RPH3A: variants seen among roughly 807,000 people sequenced by gnomAD.
RPH3A encodes the protein rabphilin-3A.
In RPH3A, 48 loss-of-function variants were observed where a neutral mutation model predicts 102.2. The observed-to-expected ratio is 0.47, with a 90% confidence interval of 0.37 to 0.60. The LOEUF is 0.60. Ranked by LOEUF, RPH3A falls within the 20% of genes least tolerant of loss-of-function variation. The pLI, the probability that RPH3A is intolerant of heterozygous loss-of-function variation, is 0.00. For missense variants in RPH3A, 781 were observed against 910.1 expected, an observed-to-expected ratio of 0.86 and a Z score of 1.83; for synonymous variants, 310 against 324.3, an observed-to-expected ratio of 0.96 and a Z score of 0.47.
At chr12:112,735,331 A>G (rs1007027982) in intron 1 of RPH3A, among the ~76,000 whole-genome samples, 1 of 152,224 alleles carries the variant, frequency 6.6e-6, no homozygotes, top group African/African-American at 2.4e-5. Context: ...CAATAGAAAC[A>G]AAAGGAAAAG....
chr12:112,678,615 T>C (rs1481124213), intron 1 of RPH3A, among the ~76,000 whole-genome samples: 1 of 152,120 alleles, frequency 6.6e-6, no homozygotes, highest in Non-Finnish European at 1.5e-5. Context: ...AAATCTATAA[T>C]GGTCTGGAAG....
chr12:112,615,143 A>G (rs1326122523), intron 1 of RPH3A, among the ~76,000 whole-genome samples: 3 of 152,200 alleles, frequency 2.0e-5, no homozygotes, highest in African/African-American at 7.2e-5. Context: ...GATCTGGCAC[A>G]TAGTAGGTGC....
At chr12:112,681,596 C>T (rs1485684383) in intron 1 of RPH3A, among the ~76,000 whole-genome samples, 7 of 152,258 alleles carry the variant, frequency 4.6e-5, no homozygotes, top group South Asian at 2.1e-4. Context: ...GTCTACATTA[C>T]GGATAGTAGT....
chr12:112,793,268 C>A (rs1332344140), intron 2 of RPH3A, among the ~76,000 whole-genome samples: 1 of 152,220 alleles, frequency 6.6e-6, no homozygotes, highest in Non-Finnish European at 1.5e-5. Context: ...TTTCACTTTG[C>A]TTTCTGCTTT....
At chr12:112,894,710 G>C in intron 20 of RPH3A, 51 bp downstream of exon 20, 1 of 1,535,142 alleles carries the variant, frequency 6.5e-7, no homozygotes, top group East Asian at 2.3e-5. Context: ...CTGTGTGTTA[G>C]AGAGGCACAA....
rs11375355 is a variant in RPH3A, at chr12:112,774,063, C to CAAAAAAAA, written c.-139-18073_-139-18066dup. Among the ~76,000 whole-genome samples the CAAAAAAAA allele has an allele frequency of 4.7e-4, 51 of 108,398 alleles. 1 individual carries two copies. The highest frequency in any genetic ancestry group is 3.1e-3 in the South Asian group (10 of 3,246). The allele number at this position is 108,398 out of a possible 152,430, so 71.1% of individuals were successfully genotyped here. A position where few individuals can be genotyped will look rare whatever the true frequency, so the allele number is the denominator to read the frequency against. On this transcript the variant is annotated intron_variant, in intron 1 of 21. Transcript: ENST00000543106. ...TCACGCCACTGCACTCCAGCCTGGG[C>CAAAAAAAA]AAAAAAAAAAAAAAGAAAAAGAGAA...
At chr12:112,808,338 C>T (rs1048652453) in intron 2 of RPH3A, among the ~76,000 whole-genome samples, 1 of 152,208 alleles carries the variant, frequency 6.6e-6, no homozygotes, top group Non-Finnish European at 1.5e-5. Context: ...ATCAACATTA[C>T]CTCAGCCCCA....
intron 8 of RPH3A, chr12:112,869,070 C>T (rs2042660625): frequency 6.5e-6 from 1 of 154,888 alleles, no homozygotes; most frequent in South Asian, 2.0e-4. Context: ...CTACTATTGA[C>T]ATTATCACTA....
At chr12:112,858,138 G>C (rs905914982) in intron 5 of RPH3A, among the ~76,000 whole-genome samples, 3 of 151,600 alleles carry the variant, frequency 2.0e-5, no homozygotes, top group Non-Finnish European at 4.4e-5. Flanking sequence ...GTAGTGGCAC[G>C]CACCTGGAGT....
chr12:112,663,485 C>A (rs888605488), intron 1 of RPH3A, among the ~76,000 whole-genome samples: 6 of 151,958 alleles, frequency 3.9e-5, no homozygotes, highest in Admixed American at 3.3e-4. Flanking sequence ...TTAGCTGTGA[C>A]CATAGACATG....
chr12:112,679,587 G>C (rs555577302), intron 1 of RPH3A, among the ~76,000 whole-genome samples: 1 of 152,062 alleles, frequency 6.6e-6, no homozygotes, highest in Non-Finnish European at 1.5e-5. Flanking sequence ...CACCACGCCC[G>C]GCTAATTTTC....
intron 2 of RPH3A, among the ~76,000 whole-genome samples, chr12:112,800,087 A>G (rs2041312980): frequency 6.6e-6 from 1 of 152,186 alleles, no homozygotes; most frequent in African/African-American, 2.4e-5. Context: ...GGCAAAACCA[A>G]TAAACAAGTA....
In RPH3A at chr12:112,592,549, C is replaced by T. The variant is rs540119819; in HGVS notation, c.-140+17230C>T. Among the ~76,000 whole-genome samples, 8 of 152,308 alleles carry T rather than the reference C, an allele frequency of 5.3e-5. No homozygotes were observed. The South Asian group carries it at 1.7e-3, about 32-fold the overall frequency. On this transcript the variant is annotated intron_variant, in intron 1 of 21. Transcript: ENST00000543106. ...AGCCAGGCTGTTCTCGAACTCCTGACCTCACGTGATCTGCCCGCCTTGGCC... is the reference window on the plus strand; with the variant it reads ...AGCCAGGCTGTTCTCGAACTCCTGATCTCACGTGATCTGCCCGCCTTGGCC...
At chr12:112,853,154 A>G (rs890409377) in intron 5 of RPH3A, among the ~76,000 whole-genome samples, 5 of 152,170 alleles carry the variant, frequency 3.3e-5, no homozygotes, top group African/African-American at 1.2e-4. Context: ...GGGAGAAGTG[A>G]GTAATAATGC....
intron 10 of RPH3A, among the ~76,000 whole-genome samples, chr12:112,872,307 C>A (rs1313851343): frequency 6.6e-6 from 1 of 152,164 alleles, no homozygotes; most frequent in Non-Finnish European, 1.5e-5. Flanking sequence ...ATTAGTGATA[C>A]TGAGCATCTT....
chr12:112,776,172 A>T (rs1211362961), intron 1 of RPH3A, among the ~76,000 whole-genome samples: 1 of 152,208 alleles, frequency 6.6e-6, no homozygotes, highest in East Asian at 1.9e-4. Context: ...TACTCATTTA[A>T]CTAATATTTA....
chr12:112,864,628 G>T (rs1947242320), intron 5 of RPH3A, among the ~76,000 whole-genome samples: 2 of 152,176 alleles, frequency 1.3e-5, no homozygotes, highest in South Asian at 4.1e-4. Flanking sequence ...CTAGAGCAAT[G>T]ATTCTCAAAA....
chr12:112,636,577 A>T (rs2039850375), intron 1 of RPH3A, among the ~76,000 whole-genome samples: 1 of 152,214 alleles, frequency 6.6e-6, no homozygotes, highest in Admixed American at 6.5e-5. Flanking sequence ...GTAATGAAGA[A>T]TTGTGCCATC....
intron 1 of RPH3A, among the ~76,000 whole-genome samples, chr12:112,601,701 G>A (rs755722902): frequency 1.3e-5 from 2 of 152,186 alleles, no homozygotes; most frequent in Non-Finnish European, 2.9e-5. Flanking sequence ...GGAGGCCGAG[G>A]TGGGCGGATC....
Sources: gnomAD v4.1 joint callset for allele counts (sites outside exome capture counted in the v4.1 genomes callset) on GRCh38, gnomAD v4.1.1 for gene constraint, MANE v1.5 for transcripts, NCBI Gene and HGNC (gene_info 2026-07-23, HGNC 2026-07-21) for gene names.